CNTLN: variants seen among roughly 807,000 people sequenced by gnomAD.
The protein encoded by CNTLN is centlein, centrosomal protein.
Under a neutral mutation model 180.0 loss-of-function variants are expected in CNTLN, and 212 were observed. That is an observed-to-expected ratio of 1.18 (90% CI 1.05 to 1.32). CNTLN has a LOEUF of 1.32. CNTLN is among the 40% of genes most tolerant of loss of function. CNTLN has a pLI of 0.00. For synonymous variants in CNTLN, 722 were observed against 563.1 expected, an observed-to-expected ratio of 1.28 and a Z score of -3.99; for missense variants, 2,095 against 1,610.9, an observed-to-expected ratio of 1.30 and a Z score of -5.14.
rs1337920298 is a variant in CNTLN, at chr9:17,501,204, T to C, written c.4120-1347T>C. ...CTCTTTTGGTATCTTATACTTTCTT[T>C]AGTGGTAAGTTTCAAGTAAGACAAA... is the stretch of plus-strand genomic sequence containing the variant. On this transcript the variant is annotated intron_variant, in intron 25 of 25. Coordinates refer to ENST00000380647, the MANE Select transcript of CNTLN (RefSeq NM_017738.4). Among the ~76,000 whole-genome samples, 4 of 152,204 alleles carry C rather than the reference T, an allele frequency of 2.6e-5. No homozygotes were observed. In the East Asian group the frequency reaches 7.7e-4, roughly 29 times the overall value.
At chr9:17,238,313 C>G (rs1825279017) in intron 5 of CNTLN, among the ~76,000 whole-genome samples, 1 of 152,116 alleles carries the variant, frequency 6.6e-6, no homozygotes, top group Non-Finnish European at 1.5e-5. Context: ...TTTTCCCACC[C>G]TAAAGTCTTT....
intron 2 of CNTLN, among the ~76,000 whole-genome samples, chr9:17,218,578 A>G (rs993526593): frequency 9.9e-5 from 15 of 152,142 alleles, no homozygotes; most frequent in African/African-American, 3.6e-4. Context: ...CTGTTTTAGA[A>G]TCTTAGTGTT....
chr9:17,183,374 G>A (rs923254305), intron 2 of CNTLN, among the ~76,000 whole-genome samples: 9 of 152,048 alleles, frequency 5.9e-5, no homozygotes, highest in African/African-American at 2.2e-4. Flanking sequence ...AATAAACCTA[G>A]AAGAAAAGAG....
At chr9:17,478,488 T>G (rs545207470) in intron 23 of CNTLN, among the ~76,000 whole-genome samples, 1 of 152,236 alleles carries the variant, frequency 6.6e-6, no homozygotes, top group South Asian at 2.1e-4. Flanking sequence ...CAGACCAGTG[T>G]CATAGAGATT....
intron 20 of CNTLN, among the ~76,000 whole-genome samples, chr9:17,463,712 TTTATCAA>T (rs1302253179): frequency 1.3e-5 from 2 of 151,778 alleles, no homozygotes; most frequent in African/African-American, 4.8e-5. Flanking sequence ...TTGAAGTTTA[TTTATCAA>T]TTAAGAGTAA....
intron 18 of CNTLN, chr9:17,448,500 C>G (rs1300176147): frequency 2.0e-5 from 3 of 152,246 alleles, no homozygotes; most frequent in African/African-American, 7.2e-5. Flanking sequence ...GCCAGATCCT[C>G]TTGGTGGAAG....
intron 5 of CNTLN, among the ~76,000 whole-genome samples, chr9:17,271,115 T>C (rs911032181): frequency 2.0e-5 from 3 of 151,994 alleles, no homozygotes; most frequent in Non-Finnish European, 2.9e-5. Context: ...CACGCCCGGC[T>C]AATTTTTTGT....
At chr9:17,200,979 A>T (rs1411478548) in intron 2 of CNTLN, among the ~76,000 whole-genome samples, 1 of 152,202 alleles carries the variant, frequency 6.6e-6, no homozygotes, top group East Asian at 1.9e-4. Flanking sequence ...TGTCATAAAT[A>T]GCTCTTGTTA....
At chr9:17,175,121 G>A (rs993598310) in intron 2 of CNTLN, among the ~76,000 whole-genome samples, 2 of 152,020 alleles carry the variant, frequency 1.3e-5, no homozygotes, top group East Asian at 1.9e-4. Flanking sequence ...AAGGTCTTTT[G>A]TAGAACAAAA....
At chr9:17,298,659 A>G in intron 7 of CNTLN, 3 of 1,027,306 alleles carry the variant, frequency 2.9e-6, no homozygotes, top group Non-Finnish European at 3.5e-6. Context: ...TCAAAACTGG[A>G]ATGGAATTCC....
At chr9:17,296,878 G>A (rs1273671996) in intron 6 of CNTLN, among the ~76,000 whole-genome samples, 1 of 152,086 alleles carries the variant, frequency 6.6e-6, no homozygotes, top group African/African-American at 2.4e-5. Context: ...GGAACTCCTT[G>A]CTCCCATACT....
intron 5 of CNTLN, among the ~76,000 whole-genome samples, chr9:17,269,465 A>G (rs1221951317): frequency 6.6e-6 from 1 of 151,874 alleles, no homozygotes; most frequent in African/African-American, 2.4e-5. Flanking sequence ...TATGTTTTCT[A>G]ATTTTTATTT....
chr9:17,383,329 G>T (rs1445150479), intron 13 of CNTLN, among the ~76,000 whole-genome samples: 1 of 151,662 alleles, frequency 6.6e-6, no homozygotes, highest in Non-Finnish European at 1.5e-5. Context: ...AGGAATTTGA[G>T]ACCAGCCTGG....
chr9:17,174,741 G>C (rs763788809), intron 2 of CNTLN, among the ~76,000 whole-genome samples: 3 of 151,694 alleles, frequency 2.0e-5, no homozygotes, highest in Admixed American at 6.6e-5. Context: ...CCGTTTGTCA[G>C]AGTGTCTATA....
chr9:17,468,715 T>C (rs1831890526), intron 23 of CNTLN, among the ~76,000 whole-genome samples: 1 of 151,730 alleles, frequency 6.6e-6, no homozygotes, highest in East Asian at 1.9e-4. Context: ...ATGACTTCCA[T>C]GATAAGGTAA....
At chr9:17,212,727 TC>T (rs1389030979) in intron 2 of CNTLN, among the ~76,000 whole-genome samples, 2 of 152,236 alleles carry the variant, frequency 1.3e-5, no homozygotes, top group African/African-American at 4.8e-5. Flanking sequence ...TGCCTCAATT[TC>T]AGAGGCTGTG....
chr9:17,288,116 A>T (rs1829111703), intron 6 of CNTLN, among the ~76,000 whole-genome samples: 2 of 129,080 alleles, frequency 1.5e-5, no homozygotes, highest in East Asian at 2.3e-4. Flanking sequence ...TCAATTTTGG[A>T]TCTTTCCTGC....
chr9:17,388,811 C>T (rs1825881328), intron 14 of CNTLN, among the ~76,000 whole-genome samples: 1 of 104,168 alleles, frequency 9.6e-6, no homozygotes, highest in East Asian at 2.8e-4. Flanking sequence ...TATAACATGT[C>T]TATCATTAAT....
At chr9:17,144,308 CA>C (rs1380582891) in intron 2 of CNTLN, among the ~76,000 whole-genome samples, 3 of 152,130 alleles carry the variant, frequency 2.0e-5, no homozygotes, top group Non-Finnish European at 4.4e-5. Flanking sequence ...TCTAATTCAT[CA>C]ATCATTTTTT....
Sources: allele counts gnomAD v4.1 joint callset (sites outside exome capture counted in the v4.1 genomes callset), GRCh38; gene constraint gnomAD v4.1.1; transcripts MANE v1.5; gene names NCBI Gene and HGNC (gene_info 2026-07-23, HGNC 2026-07-21).